SOS1: variants seen among roughly 807,000 people sequenced by gnomAD.
The protein encoded by SOS1 is SOS Ras/Rac guanine nucleotide exchange factor 1, also known as son of sevenless homolog 1.
Under a neutral mutation model 157.6 loss-of-function variants are expected in SOS1, and 25 were observed. The observed-to-expected ratio is 0.16, with a 90% CI of 0.12 to 0.22. The LOEUF (loss-of-function observed/expected upper bound fraction) is 0.22, where lower values mean the gene tolerates loss of function less well. Among genes scored for constraint, SOS1 ranks in the 10% least tolerant of loss-of-function variants. SOS1 has a pLI of 1.00. For missense variants in SOS1, 1,237 were observed against 1,599.1 expected, an observed-to-expected ratio of 0.77 and a Z score of 3.86; for synonymous variants, 528 against 534.0, an observed-to-expected ratio of 0.99 and a Z score of 0.16.
chr2:39,043,810 A>G (rs748291699), intron 6 of SOS1, among the ~76,000 whole-genome samples: 1 of 152,116 alleles, frequency 6.6e-6, no homozygotes, highest in Non-Finnish European at 1.5e-5. Flanking sequence ...AATCCTAATT[A>G]CCTCCACAGG....
At chr2:39,044,296 G>A (rs1670677477) in intron 6 of SOS1, among the ~76,000 whole-genome samples, 1 of 152,206 alleles carries the variant, frequency 6.6e-6, no homozygotes, top group Admixed American at 6.5e-5. Flanking sequence ...AGGTTGCAGT[G>A]AGCCAAGATC....
At chr2:39,061,007 G>C (rs986656031) in intron 2 of SOS1, among the ~76,000 whole-genome samples, 1 of 151,288 alleles carries the variant, frequency 6.6e-6, no homozygotes, top group Admixed American at 6.6e-5. Flanking sequence ...AGAAGAAAAA[G>C]AAAACAGAAC....
chr2:39,030,525 A>G (rs1391333279), intron 8 of SOS1, among the ~76,000 whole-genome samples: 1 of 151,306 alleles, frequency 6.6e-6, no homozygotes, highest in Admixed American at 6.6e-5. Flanking sequence ...AGCTATGATC[A>G]TACCACTGCG....
chr2:39,052,981 C>G (rs549117734), intron 5 of SOS1, among the ~76,000 whole-genome samples: 1 of 152,028 alleles, frequency 6.6e-6, no homozygotes, highest in South Asian at 2.1e-4. Flanking sequence ...GGTGAAACCC[C>G]GCCTCTACTA....
intron 21 of SOS1, among the ~76,000 whole-genome samples, chr2:38,988,662 T>C (rs565802223): frequency 2.6e-4 from 40 of 152,256 alleles, no homozygotes; most frequent in African/African-American, 9.6e-4. Flanking sequence ...TTTTCCATTG[T>C]ACATATTTTG....
intron 1 of SOS1, among the ~76,000 whole-genome samples, chr2:39,114,298 C>CTTT (rs747826503): frequency 7.0e-6 from 1 of 143,864 alleles, no homozygotes; most frequent in Non-Finnish European, 1.5e-5. Context: ...TTGTTCTTTT[C>CTTT]TTTTTTTTTT....
intron 17 of SOS1, among the ~76,000 whole-genome samples, chr2:39,004,406 CA>C (rs60882005): frequency 0.011 from 757 of 66,480 alleles, 2 homozygotes; most frequent in Middle Eastern, 0.024. Context: ...GACTCTGTGT[CA>C]AAAAAAAAAA....
chr2:39,025,996 C>T (rs1436643228), intron 8 of SOS1, among the ~76,000 whole-genome samples: 1 of 152,004 alleles, frequency 6.6e-6, no homozygotes, highest in Non-Finnish European at 1.5e-5. Flanking sequence ...AAAAACTCAC[C>T]ATACTTTCTA....
intron 8 of SOS1, among the ~76,000 whole-genome samples, chr2:39,025,491 G>A (rs1014432109): frequency 2.6e-5 from 4 of 151,398 alleles, no homozygotes; most frequent in Admixed American, 6.6e-5. Context: ...CTGCGATTAC[G>A]GGTGTCTGTC....
intron 3 of SOS1, 146 bp from the exon 4 acceptor site, chr2:39,057,012 T>G (rs1299700865): frequency 3.0e-6 from 2 of 670,342 alleles, no homozygotes; most frequent in East Asian, 2.6e-5. Flanking sequence ...TGTAAGTGGT[T>G]CAACAATGAA....
Position 38,984,626 on chromosome 2 carries a change from C to T in SOS1, c.*1198G>A, listed in dbSNP as rs1668499164. 1 of 152,118 alleles carries T rather than the reference C, an allele frequency of 6.6e-6. No individual in the cohort carries two copies. Among genetic ancestry groups the T allele is most frequent in the South Asian group, 2.1e-4 (1 of 4,818 alleles). The allele number at this position is 152,118 out of a possible 1,614,324, so 9.4% of individuals were successfully genotyped here. A position where few individuals can be genotyped will look rare whatever the true frequency, so the allele number is the denominator to read the frequency against. On this transcript the variant is annotated 3_prime_UTR_variant, in exon 23 of 23. Transcript: ENST00000402219. ...ATCCAGAACTAGAAACCAAGGCGTA[C>T]CACAAAACGTGCTTTTATGTTTAGT...
At position 39,054,537 on chromosome 2, in the gene SOS1, G is replaced by A. The variant is rs189895223; in HGVS notation, c.720+77C>T. ...ATTAACAAATTAGTAATGATGAACT[G>A]TACAACTTCAAATTTGAAGTGGTCA... On this transcript the variant is annotated intron_variant, in intron 5 of 22. Transcript: ENST00000402219. 4.7e-4 allele frequency: 399 copies of A among 842,098 alleles called. 2 individuals carry two copies. The African/African-American group carries it at 5.2e-3, about 11-fold the overall frequency. 52.2% of individuals were successfully genotyped at this position (842,098 alleles called of 1,614,324 possible). A position where few individuals can be genotyped will look rare whatever the true frequency, so the allele number is the denominator to read the frequency against.
chr2:39,105,128 T>A (rs1053340545), intron 1 of SOS1, among the ~76,000 whole-genome samples: 2 of 152,196 alleles, frequency 1.3e-5, no homozygotes, highest in African/African-American at 4.8e-5. Flanking sequence ...AGTAAGTGCA[T>A]TCCATTACAA....
chr2:39,047,701 C>T (rs543049061), intron 6 of SOS1, among the ~76,000 whole-genome samples: 21 of 152,284 alleles, frequency 1.4e-4, no homozygotes, highest in Non-Finnish European at 4.4e-5. Context: ...CAGACAGTCT[C>T]GCTCTGTCGC....
At chr2:39,055,600 C>G (rs924706454) in intron 4 of SOS1, among the ~76,000 whole-genome samples, 1 of 152,062 alleles carries the variant, frequency 6.6e-6, no homozygotes, top group Non-Finnish European at 1.5e-5. Context: ...TTTTTTCACT[C>G]TATATGGCCA....
chr2:39,050,445 T>A (rs1477910491), intron 6 of SOS1, among the ~76,000 whole-genome samples: 2 of 152,266 alleles, frequency 1.3e-5, no homozygotes, highest in East Asian at 3.9e-4. Context: ...GGTAGATAGG[T>A]AAATATTTCA....
chr2:39,119,401 C>A (rs907513053), intron 1 of SOS1, among the ~76,000 whole-genome samples: 2 of 152,138 alleles, frequency 1.3e-5, no homozygotes, highest in Non-Finnish European at 2.9e-5. Context: ...ATATCAGACA[C>A]CTTTTAATGT....
At chr2:39,103,139 C>T (rs960807860) in intron 1 of SOS1, among the ~76,000 whole-genome samples, 2 of 152,026 alleles carry the variant, frequency 1.3e-5, no homozygotes, top group Admixed American at 6.6e-5. Flanking sequence ...AACTACAATA[C>T]GCTGCTGCAG....
At chr2:39,007,636 T>C (rs541984800) in intron 15 of SOS1, 1 of 168,630 alleles carries the variant, frequency 5.9e-6, no homozygotes, top group Non-Finnish European at 1.3e-5. Context: ...CATACATTTC[T>C]AGGAACAGCT....
Sources: gnomAD v4.1 joint callset for allele counts (sites outside exome capture counted in the v4.1 genomes callset) on GRCh38, gnomAD v4.1.1 for gene constraint, MANE v1.5 for transcripts, NCBI Gene and HGNC (gene_info 2026-07-23, HGNC 2026-07-21) for gene names.